The following PIWIL1 variants were observed in gnomAD, a reference collection of about 807,000 sequenced individuals.
The protein encoded by PIWIL1 is piwi-like protein 1.
Under a neutral mutation model 114.4 loss-of-function variants are expected in PIWIL1, and 73 were observed. That is an observed-to-expected ratio of 0.64 (90% CI 0.53 to 0.78). The LOEUF is 0.78. PIWIL1 is among the 30% of genes least tolerant of loss of function. The pLI is 0.00. For missense variants in PIWIL1, 723 were observed against 1,063.1 expected (o/e 0.68, Z 4.45); for synonymous variants, 375 against 369.0 (o/e 1.02, Z -0.19).
At chr12:130,382,535 A>G in the PIWIL1 span, among the ~76,000 whole-genome samples, 2 of 152,254 alleles carry the variant, frequency 1.3e-5, no homozygotes, top group East Asian at 1.9e-4. Flanking sequence ...TTGCTGGCCA[A>G]ATGGATTTGT....
downstream of PIWIL1, among the ~76,000 whole-genome samples, chr12:130,376,118 G>C (rs543272263): frequency 6.6e-6 from 1 of 152,184 alleles, no homozygotes; most frequent in African/African-American, 2.4e-5. Flanking sequence ...TTTCCTCCCT[G>C]AACTCCACAC....
At chr12:130,397,649 AG>A in the PIWIL1 span, 22,827 of 396,928 alleles carry the variant, frequency 0.058, 809 homozygotes, top group Middle Eastern at 0.087. Context: ...AGGAAAGGTC[AG>A]GGGGGTTCAT....
At chr12:130,404,351 G>A in the PIWIL1 span, among the ~76,000 whole-genome samples, 2 of 152,274 alleles carry the variant, frequency 1.3e-5, no homozygotes, top group African/African-American at 2.4e-5. Flanking sequence ...AGGCTGGAGT[G>A]CAATGGCATG....
At chr12:130,357,796 A>G (rs1273936198) in intron 14 of PIWIL1, among the ~76,000 whole-genome samples, 4 of 152,218 alleles carry the variant, frequency 2.6e-5, no homozygotes, top group Non-Finnish European at 2.9e-5. Context: ...GCCATCTTCA[A>G]TTTATTCAGA....
At chr12:130,412,269 T>G in the PIWIL1 span, among the ~76,000 whole-genome samples, 4 of 152,072 alleles carry the variant, frequency 2.6e-5, no homozygotes, top group African/African-American at 9.7e-5. Flanking sequence ...CCACTGAAAT[T>G]TATTGTAGAC....
rs189251976 is a variant in PIWIL1 at position 130,362,134 on chromosome 12, C to T, written c.1970+533C>T. ...TGCAGGTTTGTTACATAGGTAAACTCGTGTCATGGGGTTTGTGGTTCAGAT... is the reference window on the plus strand; with the variant it reads ...TGCAGGTTTGTTACATAGGTAAACTTGTGTCATGGGGTTTGTGGTTCAGAT... On this transcript the variant is annotated intron_variant, in intron 16 of 20. Transcript: ENST00000245255. 3.3e-5 allele frequency among the ~76,000 whole-genome samples: 5 copies of T among 152,066 alleles called. No individual in the cohort carries two copies. In the South Asian group the frequency reaches 6.2e-4, roughly 19 times the overall value.
the PIWIL1 span, among the ~76,000 whole-genome samples, chr12:130,404,438 C>T: frequency 6.6e-6 from 1 of 152,202 alleles, no homozygotes; most frequent in Admixed American, 6.5e-5. Flanking sequence ...GCTGGGATTA[C>T]AGGCACATGC....
chr12:130,349,791 C>G (rs2073166804), intron 8 of PIWIL1, 65 bp from the exon 9 acceptor site: 1 of 930,274 alleles, frequency 1.1e-6, no homozygotes, highest in African/African-American at 1.7e-5. Flanking sequence ...GCTGTCTAGT[C>G]TCTCTTTTTA....
the PIWIL1 span, among the ~76,000 whole-genome samples, chr12:130,413,208 G>T: frequency 2.0e-5 from 3 of 152,176 alleles, no homozygotes; most frequent in Non-Finnish European, 4.4e-5. Context: ...CAGGCATTCC[G>T]ACCGTTCTCA....
Position 130,361,468 on chromosome 12 carries a change from G to A in PIWIL1, c.1867-30G>A, listed in dbSNP as rs2073506410. The A allele has an allele frequency of 6.8e-6, 11 of 1,610,688 alleles. No individual in the cohort carries two copies. In the East Asian group the frequency reaches 1.8e-4, roughly 26 times the overall value. On this transcript the variant is annotated intron_variant, in intron 15 of 20. Coordinates refer to ENST00000245255, the MANE Select transcript of PIWIL1 (RefSeq NM_004764.5). ...TTTTAAATGTTGCTGGTACTCCATT[G>A]TATCTAAAATTACCATATTTGTATT... is the stretch of plus-strand genomic sequence containing the variant.
chr12:130,414,070 G>T, the PIWIL1 span: 3 of 1,576,456 alleles, frequency 1.9e-6, no homozygotes, highest in South Asian at 2.2e-5. Flanking sequence ...CTGCCCCCAT[G>T]ACCCAGACCC....
At position 130,354,639 on chromosome 12, in the gene PIWIL1, A is replaced by G. The variant is rs2073313801; in HGVS notation, c.1147A>G (p.Ile383Val). The G allele has an allele frequency of 1.3e-6, 2 of 1,597,882 alleles. No individual in the cohort carries two copies. The highest frequency in any genetic ancestry group is 2.2e-5 in the East Asian group (1 of 44,762). ...GACACTGCCAGGGCCTGCCATGCTCATTCCTGAGCTCTGCTATCTTACAGG... is the reference window on the plus strand; with the variant it reads ...GACACTGCCAGGGCCTGCCATGCTCGTTCCTGAGCTCTGCTATCTTACAGG... ...GGTLPGPAML[I>V]PELCYLTGLT... Residue 383 changes from isoleucine to valine, a missense_variant, in exon 10 of 21, where the codon ATT becomes GTT. Transcript: ENST00000245255.
the PIWIL1 span, among the ~76,000 whole-genome samples, chr12:130,404,566 T>TC: frequency 6.6e-6 from 1 of 152,190 alleles, no homozygotes; most frequent in Non-Finnish European, 1.5e-5. Context: ...TCCGCATGAG[T>TC]CACCGTGCCC....
the PIWIL1 span, chr12:130,414,029 C>A: frequency 7.7e-7 from 1 of 1,307,032 alleles, no homozygotes; most frequent in South Asian, 1.3e-5. Context: ...AGGAGAAGGC[C>A]ATCTCTAAGT....
chr12:130,374,785 T>G (rs1409361332), downstream of PIWIL1, among the ~76,000 whole-genome samples: 1 of 152,238 alleles, frequency 6.6e-6, no homozygotes, highest in Non-Finnish European at 1.5e-5. Context: ...GGCTCATCTC[T>G]GAGGAGCTCT....
At chr12:130,412,773 T>C in the PIWIL1 span, 3 of 1,613,334 alleles carry the variant, frequency 1.9e-6, no homozygotes, top group Admixed American at 1.7e-5. Context: ...CATCAGCGTC[T>C]TTATCACCAT....
intron 12 of PIWIL1, among the ~76,000 whole-genome samples, 173 bp from the exon 13 acceptor site, chr12:130,356,745 G>A (rs922818541): frequency 1.3e-5 from 2 of 152,076 alleles, no homozygotes; most frequent in Non-Finnish European, 2.9e-5. Context: ...TCATCCTTTG[G>A]ATATATTTTA....
the PIWIL1 span, among the ~76,000 whole-genome samples, chr12:130,382,047 G>A: frequency 0.14 from 21,941 of 152,172 alleles, 1,953 homozygotes; most frequent in African/African-American, 0.24. Context: ...TTAGATAACA[G>A]TCCTTTATCA....
chr12:130,388,730 T>C, the PIWIL1 span, among the ~76,000 whole-genome samples: 1 of 152,192 alleles, frequency 6.6e-6, no homozygotes, highest in South Asian at 2.1e-4. Context: ...TTAAGGATTA[T>C]ATTTTCTAAT....
Sources: gnomAD v4.1 joint callset for allele counts (sites outside exome capture counted in the v4.1 genomes callset) on GRCh38, gnomAD v4.1.1 for gene constraint, MANE v1.5 for transcripts, NCBI Gene and HGNC (gene_info 2026-07-23, HGNC 2026-07-21) for gene names.